The following NBEAL1 variants were observed in gnomAD, a reference collection of about 807,000 sequenced individuals.
NBEAL1 encodes the protein neurobeachin-like protein 1.
NBEAL1 carries 273 observed loss-of-function variants against 351.3 expected under a neutral mutation model. The observed-to-expected ratio is 0.78, with a 90% CI of 0.70 to 0.86. The LOEUF is 0.86. Ranked by LOEUF, NBEAL1 falls within the 40% of genes least tolerant of loss-of-function variation. The pLI is 0.00. For synonymous variants in NBEAL1, 1,050 were observed against 1,086.4 expected, an observed-to-expected ratio of 0.97 and a Z score of 0.66; for missense variants, 2,961 against 3,201.3, an observed-to-expected ratio of 0.92 and a Z score of 1.81.
At chr2:203,171,193 G>T (rs1203834141) in intron 39 of NBEAL1, among the ~76,000 whole-genome samples, 1 of 152,148 alleles carries the variant, frequency 6.6e-6, no homozygotes, top group Non-Finnish European at 1.5e-5. Flanking sequence ...TGGAGACAGA[G>T]GTCACAGTGA....
At position 203,062,184 on chromosome 2, in the gene NBEAL1, A is replaced by C. The variant is rs1160359233; in HGVS notation, c.515+4731A>C. 1 of 434,598 alleles carries C rather than the reference A, an allele frequency of 2.3e-6. No homozygotes were observed. The highest frequency in any genetic ancestry group is 7.1e-5 in the East Asian group (1 of 14,132). The allele number at this position is 434,598 out of a possible 1,614,324, so 26.9% of individuals were successfully genotyped here. A position where few individuals can be genotyped will look rare whatever the true frequency, so the allele number is the denominator to read the frequency against. On this transcript the variant is annotated intron_variant, in intron 6 of 55. Coordinates refer to ENST00000683969, the MANE Select transcript of NBEAL1 (RefSeq NM_001378026.1). This position sits in a 1 kb window ranked among gnomAD's most constrained non-coding sequence, Gnocchi z 4.2. ...TTTCTCCACCTTGACTATTTTGTTTACCTTCACACAGTCTCTCTACCATAT... is the reference window on the plus strand; with the variant it reads ...TTTCTCCACCTTGACTATTTTGTTTCCCTTCACACAGTCTCTCTACCATAT...
rs760557988 is a variant in NBEAL1 at position 203,151,460 on chromosome 2, C to T, written c.5463-5C>T. 1 of 1,576,362 alleles carries T rather than the reference C, an allele frequency of 6.3e-7. No homozygotes were observed. Among genetic ancestry groups the T allele is most frequent in the Admixed American group, 1.9e-5 (1 of 52,812 alleles). ...TTTTACTTATTTGCTTATGAATATT[C>T]TTAGGAAACAGAATCCAATTCACTG... On this transcript the variant is annotated splice_polypyrimidine_tract_variant and splice_region_variant and intron_variant, in intron 34 of 55. Coordinates refer to ENST00000683969, the MANE Select transcript of NBEAL1 (RefSeq NM_001378026.1).
chr2:203,218,077 G>C lies in NBEAL1; in HGVS notation c.*723G>C, dbSNP rs1014583590. ...TGATTTTGACAGTTGGGCCTTTTAA[G>C]TAGCATTTGCAGCACAATTTGCATT... On this transcript the variant is annotated 3_prime_UTR_variant, in exon 56 of 56. Coordinates refer to ENST00000683969, the MANE Select transcript of NBEAL1 (RefSeq NM_001378026.1). 4.8e-6 allele frequency: 2 copies of C among 413,890 alleles called. No homozygotes were observed. The highest frequency in any genetic ancestry group is 4.3e-5 in the African/African-American group (2 of 46,214). The allele number at this position is 413,890 out of a possible 1,614,324, so 25.6% of individuals were successfully genotyped here.
chr2:203,043,629 G>A (rs769077862), intron 3 of NBEAL1, among the ~76,000 whole-genome samples: 42 of 151,760 alleles, frequency 2.8e-4, no homozygotes, highest in Non-Finnish European at 3.4e-4. Context: ...CTTGGGAGGC[G>A]GAGGTGGGAG....
At chr2:203,045,757 T>C (rs907128373) in intron 3 of NBEAL1, among the ~76,000 whole-genome samples, 3 of 152,230 alleles carry the variant, frequency 2.0e-5, no homozygotes, top group Non-Finnish European at 4.4e-5. Flanking sequence ...ATACTTCATA[T>C]TAAGCATAAG....
At chr2:203,074,848 C>G (rs1035247061) in intron 7 of NBEAL1, 1 of 160,418 alleles carries the variant, frequency 6.2e-6, no homozygotes, top group African/African-American at 2.4e-5. Flanking sequence ...GGCTTGATAT[C>G]TACAGTGAAC....
At chr2:203,217,201 T>G (rs573293608) in intron 55 of NBEAL1, 52 bp from the exon 56 acceptor site, 2 of 1,363,522 alleles carry the variant, frequency 1.5e-6, no homozygotes, top group South Asian at 3.4e-5. Context: ...ATATCTTTTT[T>G]TTAATTTTTT....
At position 203,057,352 on chromosome 2, in the gene NBEAL1, A is replaced by G. The variant is rs146121994; in HGVS notation, c.414A>G (p.Glu138=). Residue 138 remains glutamate, a synonymous_variant, in exon 6 of 56, where the codon GAA becomes GAG. Transcript: ENST00000683969. ...TAAAAAGCAAAAAAAAAGAGAAGGA[A>G]ATGGCAGATCAGACATGTATTGAAG... ...QQLKSKKKEK[E]MADQTCIEEF... The G allele has an allele frequency of 7.2e-3, 11,223 of 1,550,320 alleles. 63 individuals are homozygous for G. The highest frequency in any genetic ancestry group is 8.8e-3 in the Non-Finnish European group (10,035 of 1,145,618).
At chr2:203,111,940 T>G (rs1167407313) in intron 15 of NBEAL1, 39 bp from the exon 16 acceptor site, 2 of 1,532,346 alleles carry the variant, frequency 1.3e-6, no homozygotes, top group Admixed American at 4.5e-5. Flanking sequence ...AAAGACATAA[T>G]GTAATTTTAT....
chr2:203,222,849 A>G lies in NBEAL1; in HGVS notation c.*5495A>G, dbSNP rs2065966306. On this transcript the variant is annotated 3_prime_UTR_variant, in exon 56 of 56. Coordinates refer to ENST00000683969, the MANE Select transcript of NBEAL1 (RefSeq NM_001378026.1). ...ATCTACTACTTCCAATGACTTTTGC[A>G]GGTACAGCCTCTGTATGGAAATAAT... Among the ~76,000 whole-genome samples the G allele has an allele frequency of 6.6e-6, 1 of 152,222 alleles. No individual in the cohort carries two copies. The highest frequency in any genetic ancestry group is 2.4e-5 in the African/African-American group (1 of 41,454).
At chr2:203,182,445 C>T (rs962956701) in intron 43 of NBEAL1, 2 of 152,164 alleles carry the variant, frequency 1.3e-5, no homozygotes, top group Non-Finnish European at 2.9e-5. Context: ...CATATACCAA[C>T]CCCTAGACCA....
intron 43 of NBEAL1, chr2:203,182,648 A>G (rs1210247876): frequency 2.0e-5 from 3 of 152,170 alleles, no homozygotes; most frequent in African/African-American, 4.8e-5. Flanking sequence ...CTCCTCTCCA[A>G]CTTGTGATAC....
chr2:203,089,858 A>G (rs550961332), intron 10 of NBEAL1, among the ~76,000 whole-genome samples: 43 of 152,324 alleles, frequency 2.8e-4, no homozygotes, highest in Non-Finnish European at 5.4e-4. Flanking sequence ...AATTTACTAA[A>G]TATCTGCTTT....
rs773769557 is a variant in NBEAL1 at position 203,132,031 on chromosome 2, G to T, written c.3623G>T (p.Arg1208Leu). 1 of 1,554,470 alleles carries T rather than the reference G, an allele frequency of 6.4e-7. No homozygotes were observed. The highest frequency in any genetic ancestry group is 1.4e-5 in the African/African-American group (1 of 73,760). Reference protein sequence around the residue: ...NVYERSKQHIRLREVGYSGLG... With the variant: ...NVYERSKQHILLREVGYSGLG... ...TATGAGCGTAGTAAACAACATATTC[G>T]ACTCAGAGAAGTTGGCTACTCGGGA... Residue 1208 changes from arginine (R) to leucine (L), a missense_variant, in exon 26 of 56, where the codon CGA (arginine) becomes CTA (leucine). Transcript: ENST00000683969.
In NBEAL1 at chr2:203,143,734, T is replaced by C. The variant is rs568159821; in HGVS notation, c.4849-866T>C. 3.5e-4 allele frequency among the ~76,000 whole-genome samples: 54 copies of C among 152,306 alleles called. 2 individuals are homozygous for C. The highest frequency in any genetic ancestry group is 3.3e-3 in the Admixed American group (50 of 15,300). On this transcript the variant is annotated intron_variant, in intron 31 of 55. Coordinates refer to ENST00000683969, the MANE Select transcript of NBEAL1 (RefSeq NM_001378026.1). ...CTCTTGTGTTTCTATATATCTTGAATAGTGACTCTGGCTGCCTTTGTTATG... is the reference window on the plus strand; with the variant it reads ...CTCTTGTGTTTCTATATATCTTGAACAGTGACTCTGGCTGCCTTTGTTATG...
chr2:203,045,116 T>C (rs1295099021), intron 3 of NBEAL1, among the ~76,000 whole-genome samples: 1 of 152,166 alleles, frequency 6.6e-6, no homozygotes, highest in African/African-American at 2.4e-5. Flanking sequence ...AAAAAAATCT[T>C]TCTGAGGAGC....
intron 7 of NBEAL1, among the ~76,000 whole-genome samples, chr2:203,073,722 G>A (rs553077387): frequency 1.3e-5 from 2 of 152,040 alleles, no homozygotes; most frequent in East Asian, 1.9e-4. Context: ...TTGTTTATTC[G>A]TTTCCTTTTT....
At position 203,162,508 on chromosome 2, in the gene NBEAL1, C is replaced by T. The variant is rs770989511; in HGVS notation, c.5715-3641C>T. On this transcript the variant is annotated intron_variant, in intron 36 of 55. Transcript: ENST00000683969. ...TCAATTTGTCAGCACTTTGGGAGGC[C>T]GAGGTGGACAGATCACTTGAGCTCA... Among the ~76,000 whole-genome samples, 15 of 151,930 alleles carry T rather than the reference C, an allele frequency of 9.9e-5. No individual in the cohort carries two copies. The Middle Eastern group carries it at 0.01, about 103-fold the overall frequency.
rs2065922369 is a variant in NBEAL1, at chr2:203,218,693, A to G, written c.*1339A>G. ...ATCTTAGAGAAATTTTTCTTTTGCAATTTCGCTTTCCTGTTGACCACAGTA... is the reference window on the plus strand; with the variant it reads ...ATCTTAGAGAAATTTTTCTTTTGCAGTTTCGCTTTCCTGTTGACCACAGTA... On this transcript the variant is annotated 3_prime_UTR_variant, in exon 56 of 56. Transcript: ENST00000683969. The G allele has an allele frequency of 6.6e-6, 1 of 152,108 alleles. No individual in the cohort carries two copies. Among genetic ancestry groups the G allele is most frequent in the African/African-American group, 2.4e-5 (1 of 41,428 alleles). 9.4% of individuals were successfully genotyped at this position (152,108 alleles called of 1,614,324 possible). A position where few individuals can be genotyped will look rare whatever the true frequency, so the allele number is the denominator to read the frequency against.
Sources: allele counts gnomAD v4.1 joint callset (sites outside exome capture counted in the v4.1 genomes callset), GRCh38; gene constraint gnomAD v4.1.1; non-coding constraint Gnocchi (gnomAD v3.1); transcripts MANE v1.5; gene names NCBI Gene and HGNC (gene_info 2026-07-23, HGNC 2026-07-21).